ERBB4: variants seen among roughly 807,000 people sequenced by gnomAD.
ERBB4 encodes receptor tyrosine-protein kinase erbB-4.
A neutral mutation model predicts 158.0 loss-of-function variants in ERBB4; 42 were observed. The observed-to-expected ratio is 0.27, with a 90% CI of 0.21 to 0.34. ERBB4 has a LOEUF of 0.34. ERBB4 is among the 10% of genes least tolerant of loss of function. The pLI is 1.00. For missense variants in ERBB4, 1,333 were observed against 1,624.1 expected (o/e 0.82, Z 3.08); for synonymous variants, 583 against 558.7 (o/e 1.04, Z -0.61).
intron 1 of ERBB4, among the ~76,000 whole-genome samples, chr2:212,305,961 C>T (rs2062933): frequency 0.8 from 120,697 of 151,206 alleles, 49,926 homozygotes; most frequent in Non-Finnish European, 0.9. Flanking sequence ...TATTTGAAGC[C>T]AATGATATCT....
intron 5 of ERBB4, among the ~76,000 whole-genome samples, chr2:211,737,811 G>A (rs552633230): frequency 6.6e-6 from 1 of 152,116 alleles, no homozygotes; most frequent in Admixed American, 6.5e-5. Flanking sequence ...TCGCTTTATA[G>A]CTTGGTATTT....
chr2:212,387,234 C>T (rs140948913), intron 1 of ERBB4, among the ~76,000 whole-genome samples: 16 of 152,094 alleles, frequency 1.1e-4, no homozygotes, highest in African/African-American at 3.1e-4. Context: ...GGATACAAAG[C>T]GAACTATAAA....
chr2:211,601,224 A>C (rs183558755), intron 19 of ERBB4, among the ~76,000 whole-genome samples: 29 of 151,808 alleles, frequency 1.9e-4, no homozygotes, highest in Non-Finnish European at 4.1e-4. Flanking sequence ...CTGCGAAGGA[A>C]AAGTCAAGAA....
At position 211,578,068 on chromosome 2, in the gene ERBB4, C is replaced by T. The variant is rs538061466; in HGVS notation, c.2302-15980G>A. On this transcript the variant is annotated intron_variant, in intron 19 of 27. Transcript: ENST00000342788. The stretch of plus-strand genomic sequence containing the variant: ...TCAAGAAAACCCCATTGTCTCAGGC[C>T]AAAAGCTTCTTAAGCTGATAAGCAA... Among the ~76,000 whole-genome samples, 20 of 152,224 alleles carry T rather than the reference C, an allele frequency of 1.3e-4. No individual in the cohort carries two copies. In the South Asian group the frequency reaches 3.9e-3, roughly 30 times the overall value.
At chr2:211,397,084 A>G (rs2125342989) in intron 25 of ERBB4, among the ~76,000 whole-genome samples, 1 of 152,266 alleles carries the variant, frequency 6.6e-6, no homozygotes, top group Non-Finnish European at 1.5e-5. Flanking sequence ...GGTATTTACA[A>G]CTGATCTAGG....
chr2:212,390,215 T>G (rs763401442), intron 1 of ERBB4, among the ~76,000 whole-genome samples: 2 of 151,610 alleles, frequency 1.3e-5, no homozygotes, highest in African/African-American at 2.4e-5. Context: ...CAAAAGAAAT[T>G]TTCACTGTTA....
intron 2 of ERBB4, among the ~76,000 whole-genome samples, chr2:211,949,948 A>T (rs777413981): frequency 1.6e-4 from 24 of 152,140 alleles, no homozygotes; most frequent in Non-Finnish European, 2.8e-4. Flanking sequence ...ATATAGCCCT[A>T]TAAGTTCAAG....
chr2:211,793,825 A>T (rs2076327051), intron 3 of ERBB4, among the ~76,000 whole-genome samples: 1 of 151,914 alleles, frequency 6.6e-6, no homozygotes, highest in Non-Finnish European at 1.5e-5. Flanking sequence ...GAGACTCAAA[A>T]GGCTAATGAG....
intron 20 of ERBB4, among the ~76,000 whole-genome samples, chr2:211,507,511 A>T (rs548245936): frequency 2.3e-4 from 35 of 152,188 alleles, no homozygotes; most frequent in Non-Finnish European, 4.4e-4. Context: ...ATAAGGCTAC[A>T]GTAACAAAAA....
At chr2:212,231,743 G>A (rs560984406) in intron 1 of ERBB4, among the ~76,000 whole-genome samples, 34 of 152,244 alleles carry the variant, frequency 2.2e-4, no homozygotes, top group African/African-American at 8.2e-4. Flanking sequence ...TACTCCTCCT[G>A]TAGTAACACA....
chr2:211,430,040 T>G (rs1559159871), intron 21 of ERBB4, among the ~76,000 whole-genome samples: 2 of 152,164 alleles, frequency 1.3e-5, no homozygotes, highest in Non-Finnish European at 1.5e-5. Flanking sequence ...AGGGTAGTTT[T>G]AAAATTTTTT....
rs376325167 is a variant in ERBB4 at position 212,150,090 on chromosome 2, T to C, written c.83-25187A>G. ...ACCGGGTATTCATTTCCTAAGGTTA[T>C]TGTAATAAAGTGCCATAAACTGGTG... On this transcript the variant is annotated intron_variant, in intron 1 of 27. Coordinates refer to ENST00000342788, the MANE Select transcript of ERBB4 (RefSeq NM_005235.3). Among the ~76,000 whole-genome samples the C allele has an allele frequency of 4.5e-4, 69 of 152,274 alleles. 1 individual carries two copies. The highest frequency in any genetic ancestry group is 1.6e-3 in the African/African-American group (67 of 41,568).
At chr2:211,427,216 CTT>C (rs60781653) in intron 22 of ERBB4, among the ~76,000 whole-genome samples, 1 of 151,176 alleles carries the variant, frequency 6.6e-6, no homozygotes, top group Non-Finnish European at 1.5e-5. Flanking sequence ...TGGTTTATAT[CTT>C]TTTTTTTCCA....
intron 2 of ERBB4, among the ~76,000 whole-genome samples, chr2:212,087,405 C>T (rs1026995767): frequency 6.6e-6 from 1 of 152,072 alleles, no homozygotes; most frequent in Non-Finnish European, 1.5e-5. Flanking sequence ...ACTAACGCCA[C>T]CAATTTCTAA....
chr2:212,324,485 G>GT lies in ERBB4; in HGVS notation c.83-199583dup, dbSNP rs1553617992. On this transcript the variant is annotated intron_variant, in intron 1 of 27. Coordinates refer to ENST00000342788, the MANE Select transcript of ERBB4 (RefSeq NM_005235.3). ...TAGGAGCAGCGGGTTTTTTGTTTTT[G>GT]TTTTTTTTTCCTTTAGTTGATTATA... 2.0e-4 allele frequency among the ~76,000 whole-genome samples: 6 copies of GT among 29,302 alleles called. 1 individual carries two copies. The highest frequency in any genetic ancestry group is 8.6e-4 in the South Asian group (1 of 1,168). The allele number at this position is 29,302 out of a possible 152,430, so 19.2% of individuals were successfully genotyped here.
chr2:212,315,298 T>C (rs1410035689), intron 1 of ERBB4, among the ~76,000 whole-genome samples: 1 of 151,390 alleles, frequency 6.6e-6, no homozygotes, highest in Non-Finnish European at 1.5e-5. Context: ...GTTCACTTTC[T>C]CTTAATTAAA....
intron 3 of ERBB4, among the ~76,000 whole-genome samples, chr2:211,943,473 G>A (rs538226756): frequency 1.3e-5 from 2 of 152,132 alleles, no homozygotes; most frequent in Middle Eastern, 3.4e-3. Context: ...GATGCAGTAG[G>A]GACCTTCCCA....
intron 1 of ERBB4, among the ~76,000 whole-genome samples, chr2:212,413,793 T>C (rs1574873310): frequency 6.6e-6 from 1 of 152,174 alleles, no homozygotes; most frequent in Non-Finnish European, 1.5e-5. Context: ...CACATGTGCA[T>C]TATAAAAAGC....
At chr2:212,462,074 C>T (rs1428791916) in intron 1 of ERBB4, among the ~76,000 whole-genome samples, 1 of 152,082 alleles carries the variant, frequency 6.6e-6, no homozygotes, top group Non-Finnish European at 1.5e-5. Context: ...TGGACTAATA[C>T]ATCTACCATA....
Sources: gnomAD v4.1 joint callset for allele counts (sites outside exome capture counted in the v4.1 genomes callset) on GRCh38, gnomAD v4.1.1 for gene constraint, MANE v1.5 for transcripts, NCBI Gene and HGNC (gene_info 2026-07-23, HGNC 2026-07-21) for gene names.